DGLUCY: variants seen among roughly 807,000 people sequenced by gnomAD.
DGLUCY encodes the protein D-glutamate cyclase.
A neutral mutation model predicts 58.5 loss-of-function variants in DGLUCY; 58 were observed. That is an observed-to-expected ratio of 0.99 (90% CI 0.80 to 1.23). DGLUCY has a LOEUF of 1.23. Ranked by LOEUF, DGLUCY falls within the 50% of genes most tolerant of loss-of-function variation. The pLI is 0.00. For synonymous variants in DGLUCY, 325 were observed against 314.1 expected, an observed-to-expected ratio of 1.03 and a Z score of -0.37; for missense variants, 779 against 784.7, an observed-to-expected ratio of 0.99 and a Z score of 0.09.
chr14:91,130,664 G>A (rs1167243940), intron 1 of DGLUCY, among the ~76,000 whole-genome samples: 2 of 151,986 alleles, frequency 1.3e-5, no homozygotes, highest in South Asian at 2.1e-4. Context: ...CTGTCACCCA[G>A]GCTGGAGTGC....
rs114856836 is a variant in DGLUCY at position 91,081,386 on chromosome 14, A to G, written c.-82+20682A>G. On this transcript the variant is annotated intron_variant, in intron 1 of 4. Transcript: ENST00000521334. ...TTCAAATGACTTCATCATAAGTAAT[A>G]GGGATTCATAGACGGGAACAAACCT... Among the ~76,000 whole-genome samples, 491 of 152,386 alleles carry G rather than the reference A, an allele frequency of 3.2e-3. 4 individuals are homozygous for G. Among genetic ancestry groups the G allele is most frequent in the African/African-American group, 0.011 (478 of 41,602 alleles).
chr14:91,111,381 C>A (rs1222958926), upstream of DGLUCY, among the ~76,000 whole-genome samples: 14 of 151,872 alleles, frequency 9.2e-5, no homozygotes, highest in Admixed American at 9.2e-4. Flanking sequence ...CTTCCAGATT[C>A]AAGCGATTTT....
chr14:91,064,228 A>G (rs1374390863), intron 1 of DGLUCY, among the ~76,000 whole-genome samples: 2 of 152,166 alleles, frequency 1.3e-5, no homozygotes, highest in African/African-American at 2.4e-5. Context: ...TTAAGTAGCT[A>G]TGTGGATATA....
rs573410252 is a variant in DGLUCY, at chr14:91,194,888, A to T, written c.1196-1487A>T. Among the ~76,000 whole-genome samples the T allele has an allele frequency of 3.9e-5, 6 of 152,260 alleles. No individual in the cohort carries two copies. The South Asian group carries it at 1.2e-3, about 32-fold the overall frequency. ...ACAATGATTCTTGTTCCTCATGCCAACTTGCCCCATTGACCCACTGGGGTG... is the reference window on the plus strand; with the variant it reads ...ACAATGATTCTTGTTCCTCATGCCATCTTGCCCCATTGACCCACTGGGGTG... On this transcript the variant is annotated intron_variant, in intron 9 of 13. Transcript: ENST00000256324.
chr14:91,168,962 C>T (rs2048424939), intron 4 of DGLUCY, among the ~76,000 whole-genome samples: 1 of 151,970 alleles, frequency 6.6e-6, no homozygotes, highest in South Asian at 2.1e-4. Context: ...TGGTTCGGGC[C>T]TATGATCTCA....
rs1206947547 is a variant in DGLUCY at position 91,181,219 on chromosome 14, G to T, written c.764G>T (p.Cys255Phe). The change falls in exon 8 of 14, where the codon TGC (cysteine) becomes TTC (phenylalanine). Residue 255 changes from cysteine (C) to phenylalanine (F), a missense_variant. Cys to Phe is a radical substitution (Grantham distance 205). Coordinates refer to ENST00000256324, the MANE Select transcript of DGLUCY (RefSeq NM_001102368.3). ...CTGGCTTTTGCCAGCATCCCAGGCT[G>T]CACAGTTATGACTGACCTGAAGGAT... ...TPLAFASIPGCTVMTDLKDAK... is the reference protein window; with the variant it reads ...TPLAFASIPGFTVMTDLKDAK... The T allele has an allele frequency of 1.2e-6, 2 of 1,614,168 alleles. No homozygotes were observed. The highest frequency in any genetic ancestry group is 1.7e-6 in the Non-Finnish European group (2 of 1,180,036).
Position 91,185,755 on chromosome 14 carries a change from C to G in DGLUCY, c.935-3155C>G, listed in dbSNP as rs2049480345. Among the ~76,000 whole-genome samples the G allele has an allele frequency of 1.3e-5, 2 of 151,070 alleles. 1 individual carries two copies. Among genetic ancestry groups the G allele is most frequent in the Admixed American group, 1.3e-4 (2 of 15,144 alleles). On this transcript the variant is annotated intron_variant, in intron 8 of 13. Coordinates refer to ENST00000256324, the MANE Select transcript of DGLUCY (RefSeq NM_001102368.3). The stretch of plus-strand genomic sequence containing the variant: ...GTAAATTTATTGCAGATGTGGTGCA[C>G]CCATTGCTTAATAAAACAAGCTAAG...
chr14:91,102,281 T>C (rs1428286526), intron 1 of DGLUCY, among the ~76,000 whole-genome samples: 1 of 152,222 alleles, frequency 6.6e-6, no homozygotes, highest in Non-Finnish European at 1.5e-5. Context: ...GCTTCTGGAA[T>C]GTCTTACTCC....
chr14:91,208,859 T>C (rs1885199394), intron 12 of DGLUCY, among the ~76,000 whole-genome samples: 1 of 152,244 alleles, frequency 6.6e-6, no homozygotes, highest in Admixed American at 6.5e-5. Context: ...AGTGGTATAC[T>C]GTTATTTCAA....
chr14:91,061,173 G>A (rs2140005247), intron 1 of DGLUCY, among the ~76,000 whole-genome samples: 1 of 152,304 alleles, frequency 6.6e-6, no homozygotes, highest in Admixed American at 6.5e-5. Context: ...GGTCCCGGCA[G>A]CGATCCATGC....
At chr14:91,128,292 G>A in intron 1 of DGLUCY, among the ~76,000 whole-genome samples, 1 of 141,566 alleles carries the variant, frequency 7.1e-6, no homozygotes, top group Admixed American at 7.3e-5. Context: ...GGGCAACATG[G>A]AGAAACCCCA....
At chr14:91,094,823 CA>C (rs751631848) in intron 1 of DGLUCY, among the ~76,000 whole-genome samples, 668 of 130,386 alleles carry the variant, frequency 5.1e-3, no homozygotes, top group Admixed American at 7.0e-3. Flanking sequence ...AACTCTCTCT[CA>C]AAAAAAAAAA....
At chr14:91,136,624 C>T (rs2046352940) in intron 1 of DGLUCY, among the ~76,000 whole-genome samples, 2 of 151,566 alleles carry the variant, frequency 1.3e-5, no homozygotes, top group South Asian at 4.2e-4. Context: ...GAAGCGGTTG[C>T]AGTGAGCTGA....
chr14:91,119,442 A>G (rs1245314440), intron 1 of DGLUCY, among the ~76,000 whole-genome samples: 1 of 152,100 alleles, frequency 6.6e-6, no homozygotes, highest in African/African-American at 2.4e-5. Flanking sequence ...GACCTTTGGT[A>G]CCACTGTGCT....
chr14:91,219,808 G>A (rs1405641814), intron 13 of DGLUCY, among the ~76,000 whole-genome samples: 1 of 152,198 alleles, frequency 6.6e-6, no homozygotes, highest in Non-Finnish European at 1.5e-5. Flanking sequence ...GTACCTGCAA[G>A]GTCTGATAAG....
chr14:91,198,435 C>T lies in DGLUCY; in HGVS notation c.1296-1322C>T, dbSNP rs144472976. Among the ~76,000 whole-genome samples, 185 of 151,572 alleles carry T rather than the reference C, an allele frequency of 1.2e-3. 1 individual carries two copies. Among genetic ancestry groups the T allele is most frequent in the African/African-American group, 4.1e-3 (169 of 41,240 alleles). On this transcript the variant is annotated intron_variant, in intron 10 of 13. Coordinates refer to ENST00000256324, the MANE Select transcript of DGLUCY (RefSeq NM_001102368.3). ...TCTTGGCTCACTGCAACCTCTGCCT[C>T]CTGGGCCCAGGCGATTCTCCCACCT... is the stretch of plus-strand genomic sequence containing the variant.
At chr14:91,194,715 A>AT (rs1158567594) in intron 9 of DGLUCY, among the ~76,000 whole-genome samples, 12 of 151,900 alleles carry the variant, frequency 7.9e-5, no homozygotes, top group Admixed American at 7.9e-4. Context: ...TAATTTTTCT[A>AT]TTTTTAGTAG....
chr14:91,119,507 C>G (rs901259220), intron 1 of DGLUCY, among the ~76,000 whole-genome samples: 3 of 152,176 alleles, frequency 2.0e-5, no homozygotes, highest in Admixed American at 2.0e-4. Flanking sequence ...AGTTCCCACC[C>G]TACTTTGCTA....
intron 3 of DGLUCY, among the ~76,000 whole-genome samples, chr14:91,161,100 C>G (rs1267436356): frequency 6.6e-6 from 1 of 152,228 alleles, no homozygotes; most frequent in African/African-American, 2.4e-5. Flanking sequence ...TAGTCTCGCT[C>G]TGTCGCCCAG....
Sources: allele counts gnomAD v4.1 joint callset (sites outside exome capture counted in the v4.1 genomes callset), GRCh38; gene constraint gnomAD v4.1.1; transcripts MANE v1.5; gene names NCBI Gene and HGNC (gene_info 2026-07-23, HGNC 2026-07-21).